Variants in RTL4 observed in about 807,000 individuals in gnomAD.
The protein encoded by RTL4 is retrotransposon Gag like 4.
A neutral mutation model predicts 5.3 loss-of-function variants in RTL4; 4 were observed. That is an observed-to-expected ratio of 0.75 (90% CI 0.37 to 1.72). RTL4 has a LOEUF of 1.72. Among genes scored for constraint, RTL4 ranks in the 40% most tolerant of loss-of-function variants. The pLI, the probability that RTL4 is intolerant of heterozygous loss-of-function variation, is 0.04. For synonymous variants in RTL4, 98 were observed against 87.3 expected (o/e 1.12, Z -0.68); for missense variants, 260 against 227.1 (o/e 1.14, Z -0.93).
At chrX:112,243,861 C>A in the RTL4 span, among the ~76,000 whole-genome samples, 45 of 111,923 alleles carry the variant, frequency 4.0e-4, no homozygotes, top group East Asian at 5.1e-3. Flanking sequence ...CTACACACTG[C>A]TTTAAATGTG....
chrX:112,313,639 ACTCT>A, the RTL4 span, among the ~76,000 whole-genome samples: 3 of 106,983 alleles, frequency 2.8e-5, no homozygotes, highest in Non-Finnish European at 5.8e-5. Flanking sequence ...TCTCTCACTC[ACTCT>A]CTCTCTGTCT....
At chrX:112,439,884 A>G in the RTL4 span, among the ~76,000 whole-genome samples, 4 of 111,696 alleles carry the variant, frequency 3.6e-5, no homozygotes, top group African/African-American at 1.3e-4. Flanking sequence ...TGCTTACACC[A>G]TGCTTCTTGT....
the RTL4 span, among the ~76,000 whole-genome samples, chrX:112,331,697 A>G: frequency 2.7e-4 from 28 of 104,840 alleles, no homozygotes; most frequent in Non-Finnish European, 5.3e-4. Context: ...TGCTATAAAG[A>G]CACATGCACA....
At chrX:112,237,871 G>A in the RTL4 span, among the ~76,000 whole-genome samples, 3 of 111,984 alleles carry the variant, frequency 2.7e-5, no homozygotes, top group Non-Finnish European at 5.6e-5. Flanking sequence ...GAATCTCAGT[G>A]AGGTTGAGAC....
the RTL4 span, among the ~76,000 whole-genome samples, chrX:112,420,528 C>T: frequency 6.3e-5 from 7 of 111,659 alleles, no homozygotes; most frequent in Non-Finnish European, 9.4e-5. Context: ...TGGGCTGTGG[C>T]ACCAAACAGA....
the RTL4 span, among the ~76,000 whole-genome samples, chrX:112,426,271 T>A: frequency 9.0e-6 from 1 of 111,563 alleles, no homozygotes; most frequent in Middle Eastern, 4.2e-3. Flanking sequence ...CTATTCTATT[T>A]CATTAATTTA....
chrX:112,143,790 A>G, the RTL4 span, among the ~76,000 whole-genome samples: 2 of 111,719 alleles, frequency 1.8e-5, no homozygotes, highest in African/African-American at 6.5e-5. Flanking sequence ...GGTCCCAGGA[A>G]TCTACATTTT....
the RTL4 span, among the ~76,000 whole-genome samples, chrX:112,177,001 G>T: frequency 1.8e-5 from 2 of 110,058 alleles, no homozygotes; most frequent in African/African-American, 6.6e-5. Flanking sequence ...CAAGTGAGAG[G>T]ATTTTATTTT....
the RTL4 span, among the ~76,000 whole-genome samples, chrX:112,401,194 C>T: frequency 8.9e-6 from 1 of 111,832 alleles, no homozygotes; most frequent in African/African-American, 3.3e-5. Context: ...CTATCCTTTA[C>T]TTTTGAAACT....
chrX:112,291,732 G>A, the RTL4 span, among the ~76,000 whole-genome samples: 1 of 110,552 alleles, frequency 9.0e-6, no homozygotes, highest in African/African-American at 3.3e-5. Context: ...GAGTAGCTGG[G>A]ACTATAGGCG....
chrX:112,342,152 T>G, the RTL4 span, among the ~76,000 whole-genome samples: 1 of 111,425 alleles, frequency 9.0e-6, no homozygotes, highest in African/African-American at 3.3e-5. Context: ...AGACACCTAC[T>G]CTGGTTGAGT....
chrX:112,341,351 C>A, the RTL4 span, among the ~76,000 whole-genome samples: 1 of 111,737 alleles, frequency 8.9e-6, no homozygotes, highest in Non-Finnish European at 1.9e-5. Context: ...AAATCTTTAA[C>A]CAGTTGTTTA....
the RTL4 span, among the ~76,000 whole-genome samples, chrX:112,368,982 A>G: frequency 8.8e-6 from 1 of 113,053 alleles, no homozygotes. Context: ...GTATGTGTGC[A>G]CATGGCACTT....
At chrX:112,374,502 T>C in the RTL4 span, among the ~76,000 whole-genome samples, 1 of 112,037 alleles carries the variant, frequency 8.9e-6, no homozygotes, top group Non-Finnish European at 1.9e-5. Context: ...AAATACATTT[T>C]AGAATTAGGT....
chrX:112,307,421 A>T, the RTL4 span, among the ~76,000 whole-genome samples: 1 of 112,041 alleles, frequency 8.9e-6, no homozygotes, highest in Non-Finnish European at 1.9e-5. Context: ...ATATTATGTC[A>T]TTGATATTGT....
chrX:112,259,156 T>C, the RTL4 span, among the ~76,000 whole-genome samples: 1 of 111,650 alleles, frequency 9.0e-6, no homozygotes, highest in Non-Finnish European at 1.9e-5. Flanking sequence ...CTGTTGGCAT[T>C]TTCATTTGGA....
the RTL4 span, among the ~76,000 whole-genome samples, chrX:112,358,626 G>A: frequency 1.8e-5 from 2 of 111,506 alleles, no homozygotes; most frequent in African/African-American, 3.3e-5. Flanking sequence ...CTTGACTTCT[G>A]TAGTACTGGC....
chrX:112,185,375 TA>T, the RTL4 span, among the ~76,000 whole-genome samples: 1 of 70,952 alleles, frequency 1.4e-5, no homozygotes, highest in African/African-American at 7.6e-5. Flanking sequence ...GCTATTTTAT[TA>T]ATATATATAT....
chrX:112,417,518 G>C, the RTL4 span, among the ~76,000 whole-genome samples: 3 of 111,664 alleles, frequency 2.7e-5, no homozygotes, highest in African/African-American at 9.8e-5. Context: ...AAGAAATTCA[G>C]TTGCTATCAC....
Sources: allele counts gnomAD v4.1 joint callset (sites outside exome capture counted in the v4.1 genomes callset), GRCh38; gene constraint gnomAD v4.1.1; transcripts MANE v1.5; gene names NCBI Gene and HGNC (gene_info 2026-07-23, HGNC 2026-07-21).